The following CTTN variants were observed in gnomAD, a reference collection of about 807,000 sequenced individuals.
The protein encoded by CTTN is src substrate cortactin.
A neutral mutation model predicts 84.0 loss-of-function variants in CTTN; 28 were observed. That is an observed-to-expected ratio of 0.33 (90% CI 0.25 to 0.46). CTTN has a LOEUF of 0.46. Ranked by LOEUF, CTTN falls within the 20% of genes least tolerant of loss-of-function variation. The pLI is 1.00. For missense variants in CTTN, 641 were observed against 723.8 expected (o/e 0.89, Z 1.31); for synonymous variants, 301 against 288.8 (o/e 1.04, Z -0.43).
At position 70,413,207 on chromosome 11, in the gene CTTN, G is replaced by A. The variant is rs116204284; in HGVS notation, c.292-1335G>A. Among the ~76,000 whole-genome samples the A allele has an allele frequency of 2.4e-3, 373 of 152,372 alleles. 3 individuals are homozygous for A. The highest frequency in any genetic ancestry group is 8.4e-3 in the African/African-American group (351 of 41,584). On this transcript the variant is annotated intron_variant, in intron 5 of 17. Coordinates refer to ENST00000301843, the MANE Select transcript of CTTN (RefSeq NM_005231.4). The stretch of plus-strand genomic sequence containing the variant: ...CTGAGTTGCCTGCTGCGTCAGCACC[G>A]GTGTGGGATGCTGCTTGGGTTAGCA...
intron 6 of CTTN, 76 bp from the exon 7 acceptor site, chr11:70,415,587 T>C (rs2058148846): frequency 7.7e-7 from 1 of 1,292,986 alleles, no homozygotes; most frequent in East Asian, 2.3e-5. Context: ...TGTCATGTCA[T>C]GAATTCAGAG....
intron 15 of CTTN, among the ~76,000 whole-genome samples, 170 bp from the exon 16 acceptor site, chr11:70,432,931 T>C (rs1026886154): frequency 6.6e-6 from 1 of 152,174 alleles, no homozygotes; most frequent in African/African-American, 2.4e-5. Context: ...CTCACCACCA[T>C]GGTGAACACA....
chr11:70,425,890 G>A (rs938962068), intron 13 of CTTN, among the ~76,000 whole-genome samples: 3 of 152,234 alleles, frequency 2.0e-5, no homozygotes, highest in Admixed American at 6.5e-5. Flanking sequence ...GGAGTCAGAT[G>A]TGGGCCCTGC....
In CTTN at chr11:70,421,537, G is replaced by A. The variant is rs1334350196; in HGVS notation, c.858G>A (p.Gly286=). 2 of 1,614,148 alleles carry A rather than the reference G, an allele frequency of 1.2e-6. No homozygotes were observed. Among genetic ancestry groups the A allele is most frequent in the South Asian group, 2.2e-5 (2 of 91,088 alleles). ...AGAGGCAGGACTCCGCTGCTGTGGG[G>A]TTTGATTACAAGGAGAAGCTGGCCA... ...QSERQDSAAV[G]FDYKEKLAKH... The change falls in exon 11 of 18, where the codon GGG becomes GGA. Residue 286 remains glycine (G), a synonymous_variant. Transcript: ENST00000301843.
At chr11:70,420,107 T>A (rs2058213379) in intron 9 of CTTN, 1 of 598,406 alleles carries the variant, frequency 1.7e-6, no homozygotes, top group Admixed American at 3.1e-5. Context: ...CACGTCTGTG[T>A]TGCCCGTGTG....
Position 70,435,121 on chromosome 11 carries a change from T to TA in CTTN, c.1613dup (p.Tyr538Ter), listed in dbSNP as rs2058400059. The TA allele has an allele frequency of 6.2e-7, 1 of 1,613,372 alleles. No individual in the cohort carries two copies. Among genetic ancestry groups the TA allele is most frequent in the African/African-American group, 1.3e-5 (1 of 74,926 alleles). The change falls in exon 18 of 18, where the codon TAC becomes TAAC. Residue 538 changes from tyrosine (Y) to a stop codon, truncating the protein, a stop_gained and frameshift_variant. Coordinates refer to ENST00000301843, the MANE Select transcript of CTTN (RefSeq NM_005231.4). LOFTEE classifies it high-confidence loss of function. Reference protein sequence around the residue: ...GWWRGVCKGRYGLFPANYVEL... With the variant: ...GWWRGVCKGR ...GTGGCGCGGGGTGTGCAAGGGCCGG[T>TA]ACGGGCTCTTCCCAGCCAACTATGT...
rs2058055139 is a variant in CTTN at position 70,407,498 on chromosome 11, C to G, written c.88-20C>G. The G allele has an allele frequency of 5.0e-6, 8 of 1,613,974 alleles. No individual in the cohort carries two copies. The highest frequency in any genetic ancestry group is 6.8e-6 in the Non-Finnish European group (8 of 1,179,940). On this transcript the variant is annotated intron_variant, in intron 3 of 17. Coordinates refer to ENST00000301843, the MANE Select transcript of CTTN (RefSeq NM_005231.4). ...GTCACAATCCAGGCTGTGAGATTTA[C>G]TGGTCGCTTTTCTTTTCAGAATGAT...
At chr11:70,430,152 G>T (rs535634076) in intron 14 of CTTN, among the ~76,000 whole-genome samples, 1 of 152,330 alleles carries the variant, frequency 6.6e-6, no homozygotes, top group South Asian at 2.1e-4. Context: ...CACTACCATT[G>T]TTCCCGTTAG....
rs1466686933 is a variant in CTTN at position 70,422,949 on chromosome 11, A to G, written c.911A>G (p.Lys304Arg). ...TTTTGCCACGTTTCAGACTACTCCA[A>G]AGGATTCGGCGGGAAGTATGGGGTG... The part of the protein sequence containing the change: ...AKHESQQDYS[K>R]GFGGKYGVQK... The change falls in exon 12 of 18, where the codon AAA becomes AGA. Residue 304 changes from lysine (K) to arginine (R), a missense_variant. Lys to Arg is a conservative substitution (Grantham distance 26). Around this residue, in one of 3 missense-constraint regions of CTTN, gnomAD observed 289 missense variants for 273.1 expected, o/e 1.06. Transcript: ENST00000301843. 1.2e-6 allele frequency: 2 copies of G among 1,613,904 alleles called. No homozygotes were observed. The highest frequency in any genetic ancestry group is 1.7e-6 in the Non-Finnish European group (2 of 1,180,032).
chr11:70,420,090 C>T (rs1339742969), intron 9 of CTTN: 13 of 599,220 alleles, frequency 2.2e-5, no homozygotes, highest in Non-Finnish European at 3.5e-5. Context: ...GTGGTGGCCA[C>T]ACCCCGCACG....
intron 14 of CTTN, among the ~76,000 whole-genome samples, chr11:70,430,050 G>A (rs2135593996): frequency 6.6e-6 from 1 of 152,298 alleles, no homozygotes; most frequent in Non-Finnish European, 1.5e-5. Flanking sequence ...ATTTACAACT[G>A]TCCTGTTGGG....
Position 70,433,293 on chromosome 11 carries a change from C to A in CTTN, c.1444+15C>A. 2 of 1,595,860 alleles carry A rather than the reference C, an allele frequency of 1.3e-6. No homozygotes were observed. The highest frequency in any genetic ancestry group is 1.7e-6 in the Non-Finnish European group (2 of 1,172,094). The stretch of plus-strand genomic sequence containing the variant: ...CTATCCCGCAGGTACTGGGGCCCCA[C>A]GCTGCAGCGCCCTGCCCAGGGCAGG... On this transcript the variant is annotated intron_variant, in intron 16 of 17. Coordinates refer to ENST00000301843, the MANE Select transcript of CTTN (RefSeq NM_005231.4).
chr11:70,435,685 G>C lies in CTTN; in HGVS notation c.*523G>C. ...CGGAGCTAAGTCACCCAGAGCACAG[G>C]AGCTGCCATGTCAGATGGGAAATCT... On this transcript the variant is annotated 3_prime_UTR_variant, in exon 18 of 18. Transcript: ENST00000301843. 1 of 1,597,596 alleles carries C rather than the reference G, an allele frequency of 6.3e-7. No homozygotes were observed. Among genetic ancestry groups the C allele is most frequent in the Non-Finnish European group, 8.5e-7 (1 of 1,179,548 alleles).
chr11:70,426,719 G>T (rs1052182331), intron 13 of CTTN, among the ~76,000 whole-genome samples: 2 of 151,710 alleles, frequency 1.3e-5, no homozygotes, highest in African/African-American at 4.8e-5. Flanking sequence ...CTCCGGAGTA[G>T]CTGGGACTAC....
At chr11:70,416,736 C>T in intron 7 of CTTN, 1 of 347,386 alleles carries the variant, frequency 2.9e-6, no homozygotes, top group South Asian at 4.6e-5. Context: ...TTTACCTGAG[C>T]AGTTGATTTT....
At chr11:70,416,788 C>G in intron 7 of CTTN, 1 of 511,270 alleles carries the variant, frequency 2.0e-6, no homozygotes, top group South Asian at 2.6e-5. Context: ...CACAAAGGAA[C>G]TGCCCTGTAA....
At position 70,409,936 on chromosome 11, in the gene CTTN, T is replaced by C. The variant is rs746427359; in HGVS notation, c.267T>C (p.Gly89=). 4 of 1,614,026 alleles carry C rather than the reference T, an allele frequency of 2.5e-6. No individual in the cohort carries two copies. Among genetic ancestry groups the C allele is most frequent in the Non-Finnish European group, 3.4e-6 (4 of 1,180,014 alleles). The change falls in exon 5 of 18, where the codon GGT becomes GGC. Residue 89 remains glycine (G), a synonymous_variant. Transcript: ENST00000301843. ...KASHGYGGKF[G]VEQDRMDKSA... ...CCCATGGCTATGGAGGGAAATTTGG[T>C]GTGGAACAAGACCGAATGGATAAGG...
intron 1 of CTTN, among the ~76,000 whole-genome samples, chr11:70,403,270 C>T (rs2135547927): frequency 7.4e-6 from 1 of 135,876 alleles, no homozygotes; most frequent in Middle Eastern, 3.7e-3. Flanking sequence ...CTCACTACAG[C>T]CTCTGTCTCC....
At chr11:70,403,454 T>G (rs1350944875) in intron 1 of CTTN, among the ~76,000 whole-genome samples, 5 of 152,212 alleles carry the variant, frequency 3.3e-5, no homozygotes, top group Non-Finnish European at 7.3e-5. Context: ...CCGAAAGTGC[T>G]GGGATTACAG....
Sources: gnomAD v4.1 joint callset for allele counts (sites outside exome capture counted in the v4.1 genomes callset) on GRCh38, gnomAD v4.1.1 for gene constraint, gnomAD v4.1.1 regional missense constraint, MANE v1.5 for transcripts, NCBI Gene and HGNC (gene_info 2026-07-23, HGNC 2026-07-21) for gene names.